Variants in ZMYM2 observed in about 807,000 individuals in gnomAD.
ZMYM2 encodes the protein zinc finger MYM-type containing 2.
In ZMYM2, 56 loss-of-function variants were observed where a neutral mutation model predicts 162.8. The ratio of observed to expected loss-of-function variants is 0.34; its 90% confidence interval spans 0.28 to 0.43. ZMYM2 has a LOEUF of 0.43. Among genes scored for constraint, ZMYM2 ranks in the 20% least tolerant of loss-of-function variants. The pLI is 1.00. For missense variants in ZMYM2, 1,275 were observed against 1,621.8 expected (o/e 0.79, Z 3.67); for synonymous variants, 510 against 541.6 (o/e 0.94, Z 0.81).
In ZMYM2 at chr13:20,006,710, G is replaced by A. The variant is rs148338518; in HGVS notation, c.1512+124G>A. On this transcript the variant is annotated intron_variant, in intron 6 of 24. Transcript: ENST00000610343. ...TAGAATTTCATTTAATTCCATTATT[G>A]TTGTCATATCATGGAGCATACTGAA... 6.9e-6 allele frequency: 7 copies of A among 1,019,712 alleles called. No homozygotes were observed. In the African/African-American group the frequency reaches 1.1e-4, roughly 16 times the overall value. 63.2% of individuals were successfully genotyped at this position (1,019,712 alleles called of 1,614,324 possible). A position where few individuals can be genotyped will look rare whatever the true frequency, so the allele number is the denominator to read the frequency against.
At chr13:20,075,173 G>A (rs1177746211) in intron 21 of ZMYM2, among the ~76,000 whole-genome samples, 2 of 152,184 alleles carry the variant, frequency 1.3e-5, no homozygotes, top group African/African-American at 4.8e-5. Flanking sequence ...TTGGAAAAGT[G>A]TGCATATTTT....
chr13:19,903,190 G>A, the ZMYM2 span, among the ~76,000 whole-genome samples: 1 of 151,752 alleles, frequency 6.6e-6, no homozygotes, highest in Admixed American at 6.6e-5. Context: ...TAAATTAGCT[G>A]GGCATGGTGG....
At chr13:20,042,163 T>G in intron 12 of ZMYM2, among the ~76,000 whole-genome samples, 1 of 152,224 alleles carries the variant, frequency 6.6e-6, no homozygotes, top group Admixed American at 6.5e-5. Flanking sequence ...TCCAAGTTGC[T>G]TATACTCTCC....
chr13:19,978,083 C>A (rs1956952303), intron 2 of ZMYM2, among the ~76,000 whole-genome samples: 1 of 151,196 alleles, frequency 6.6e-6, no homozygotes, highest in South Asian at 2.1e-4. Flanking sequence ...TTCATCGAGT[C>A]AGGCAGGATG....
chr13:20,012,693 G>A (rs541210839), intron 6 of ZMYM2, among the ~76,000 whole-genome samples: 1 of 152,004 alleles, frequency 6.6e-6, no homozygotes, highest in East Asian at 1.9e-4. Flanking sequence ...TTTTGTACTG[G>A]AATTCCAGTT....
chr13:19,973,688 AAC>A (rs1956530369), intron 2 of ZMYM2, among the ~76,000 whole-genome samples: 1 of 148,114 alleles, frequency 6.8e-6, no homozygotes, highest in South Asian at 2.1e-4. Context: ...AAAAAAAAAA[AAC>A]ACCAAAAAAC....
chr13:20,000,021 T>G (rs971726005), intron 3 of ZMYM2, among the ~76,000 whole-genome samples: 1 of 152,152 alleles, frequency 6.6e-6, no homozygotes, highest in Non-Finnish European at 1.5e-5. Context: ...CAGGCTGCTC[T>G]CAAACTGCTC....
At chr13:20,006,041 G>A (rs1197603320) in intron 5 of ZMYM2, among the ~76,000 whole-genome samples, 2 of 152,108 alleles carry the variant, frequency 1.3e-5, no homozygotes, top group Non-Finnish European at 2.9e-5. Flanking sequence ...AAATCAGCCT[G>A]GGAAGCATAG....
At position 19,975,861 on chromosome 13, in the gene ZMYM2, AATGTATGTATGT is replaced by A. The variant is rs71070281; in HGVS notation, c.-11+15869_-11+15880del. Among the ~76,000 whole-genome samples the A allele has an allele frequency of 9.3e-4, 137 of 147,010 alleles. 1 individual carries two copies. Among genetic ancestry groups the A allele is most frequent in the South Asian group, 2.7e-3 (12 of 4,502 alleles). On this transcript the variant is annotated intron_variant, in intron 2 of 24. Transcript: ENST00000610343. Reference sequence around the variant, plus strand: ...TTTAAAATTTTTCCTCCATTTTTAAAATGTATGTATGTATGTATGTATGTATGTATGTATGTA... The same window carrying A: ...TTTAAAATTTTTCCTCCATTTTTAAAATGTATGTATGTATGTATGTATGTA...
Position 20,027,207 on chromosome 13 carries a change from G to C in ZMYM2, c.1740G>C (p.Leu580Phe). The change falls in exon 9 of 25, where the codon TTG becomes TTC. Residue 580 changes from leucine (L) to phenylalanine (F), a missense_variant. This residue lies in a region of ZMYM2 where 276 missense variants were observed against 311.8 expected (regional missense o/e 0.89). Coordinates refer to ENST00000610343, the MANE Select transcript of ZMYM2 (RefSeq NM_197968.4). Reference sequence around the variant, plus strand: ...TATGTACCTTTTCTTTCCTAGGTTTGGGAATTATTTGCCATTTTTGTAAGC... The same window carrying C: ...TATGTACCTTTTCTTTCCTAGGTTTCGGAATTATTTGCCATTTTTGTAAGC... ...HKTKYAKSQSLGIICHFCKRN... is the reference protein window; with the variant it reads ...HKTKYAKSQSFGIICHFCKRN... 1 of 1,566,260 alleles carries C rather than the reference G, an allele frequency of 6.4e-7. No individual in the cohort carries two copies. Among genetic ancestry groups the C allele is most frequent in the Non-Finnish European group, 8.7e-7 (1 of 1,154,002 alleles).
chr13:19,874,987 C>T, the ZMYM2 span, among the ~76,000 whole-genome samples: 1 of 152,154 alleles, frequency 6.6e-6, no homozygotes, highest in Non-Finnish European at 1.5e-5. Flanking sequence ...ATTAGTTCAG[C>T]CCCTGTGGAA....
chr13:20,017,348 A>G (rs1194199196), intron 6 of ZMYM2, among the ~76,000 whole-genome samples: 2 of 152,132 alleles, frequency 1.3e-5, no homozygotes, highest in African/African-American at 4.8e-5. Context: ...CTAGGCTGCT[A>G]TTTCAACTGT....
intron 3 of ZMYM2, among the ~76,000 whole-genome samples, chr13:19,994,491 C>G (rs1158980631): frequency 6.6e-6 from 1 of 151,972 alleles, no homozygotes; most frequent in Non-Finnish European, 1.5e-5. Context: ...ACAGTAGTTG[C>G]ATTTAGATTT....
chr13:19,875,159 C>T, the ZMYM2 span, among the ~76,000 whole-genome samples: 1 of 152,140 alleles, frequency 6.6e-6, no homozygotes, highest in Admixed American at 6.6e-5. Flanking sequence ...GTGCCCTCTA[C>T]CAGCAGATTG....
At chr13:19,900,538 C>T in the ZMYM2 span, among the ~76,000 whole-genome samples, 7 of 152,190 alleles carry the variant, frequency 4.6e-5, no homozygotes, top group African/African-American at 1.7e-4. Context: ...AATACCAATA[C>T]TTGATAAACT....
the ZMYM2 span, among the ~76,000 whole-genome samples, chr13:19,943,678 G>T: frequency 6.6e-6 from 1 of 152,074 alleles, no homozygotes; most frequent in Non-Finnish European, 1.5e-5. Context: ...GTGGGAGAAG[G>T]GTGGATGGGA....
Position 20,061,161 on chromosome 13 carries a change from T to A in ZMYM2, c.2848T>A (p.Leu950Met). ...KVSSDALDTELLTMTDMMSED... is the reference protein window; with the variant it reads ...KVSSDALDTEMLTMTDMMSED... Reference sequence around the variant, plus strand: ...TTCTTCAGATGCTCTTGATACAGAGTTGCTTACAATGACGGATATGATGAG... The same window carrying A: ...TTCTTCAGATGCTCTTGATACAGAGATGCTTACAATGACGGATATGATGAG... The change falls in exon 17 of 25, where the codon TTG becomes ATG. Residue 950 changes from leucine to methionine, a missense_variant. Leu to Met is a conservative substitution (Grantham distance 15, BLOSUM62 2). Transcript: ENST00000610343. 6.2e-7 allele frequency: 1 copy of A among 1,613,684 alleles called. No homozygotes were observed. Among genetic ancestry groups the A allele is most frequent in the South Asian group, 1.1e-5 (1 of 90,960 alleles).
chr13:20,061,219 T>C lies in ZMYM2; in HGVS notation c.2906T>C (p.Ile969Thr), dbSNP rs1956205189. 2 of 1,613,414 alleles carry C rather than the reference T, an allele frequency of 1.2e-6. No individual in the cohort carries two copies. The highest frequency in any genetic ancestry group is 8.5e-7 in the Non-Finnish European group (1 of 1,179,746). ...GAGGGGAAAACAGAGACAACCAACA[T>C]CAACAGTGAGCTACACTAAATTATA... ...EDEGKTETTN[I>T]NSVIIETDII... Residue 969 changes from isoleucine (I) to threonine (T), a missense_variant, in exon 17 of 25, where the codon ATC (isoleucine) becomes ACC (threonine). By Grantham distance (89) the Ile-to-Thr change is moderately conservative. Coordinates refer to ENST00000610343, the MANE Select transcript of ZMYM2 (RefSeq NM_197968.4).
At chr13:19,884,899 C>A in the ZMYM2 span, among the ~76,000 whole-genome samples, 1 of 152,106 alleles carries the variant, frequency 6.6e-6, no homozygotes, top group Non-Finnish European at 1.5e-5. Flanking sequence ...TTATTTGGCC[C>A]GGCCCATGTC....
Sources: allele counts gnomAD v4.1 joint callset (sites outside exome capture counted in the v4.1 genomes callset), GRCh38; gene constraint gnomAD v4.1.1; regional missense constraint gnomAD v4.1.1; transcripts MANE v1.5; gene names NCBI Gene and HGNC (gene_info 2026-07-23, HGNC 2026-07-21).